Variants in RASSF5 observed in about 807,000 individuals in gnomAD.
RASSF5 encodes the protein Ras association domain family member 5, also known as ras association domain-containing protein 5.
RASSF5 carries 25 observed loss-of-function variants against 40.5 expected under a neutral mutation model. The ratio of observed to expected loss-of-function variants is 0.62; its 90% CI spans 0.45 to 0.86. The LOEUF (loss-of-function observed/expected upper bound fraction) is 0.86. RASSF5 is among the 40% of genes least tolerant of loss of function. RASSF5 has a pLI of 0.00. For synonymous variants in RASSF5, 246 were observed against 252.4 expected (o/e 0.97, Z 0.24); for missense variants, 521 against 572.8 (o/e 0.91, Z 0.92).
intron 1 of RASSF5, among the ~76,000 whole-genome samples, chr1:206,509,027 C>T (rs1337601524): frequency 6.6e-6 from 1 of 152,128 alleles, no homozygotes; most frequent in Non-Finnish European, 1.5e-5. Context: ...AGAGGATATC[C>T]ACAGCCATGT....
At chr1:206,574,972 G>A (rs553520718) in intron 2 of RASSF5, among the ~76,000 whole-genome samples, 64 of 148,550 alleles carry the variant, frequency 4.3e-4, no homozygotes, top group African/African-American at 1.4e-3. Flanking sequence ...CGATTCTTCC[G>A]CCTTAGCCTC....
intron 1 of RASSF5, among the ~76,000 whole-genome samples, chr1:206,514,028 T>C (rs543553945): frequency 7.9e-5 from 12 of 152,380 alleles, no homozygotes; most frequent in Non-Finnish European, 1.6e-4. Context: ...GAACTCTCCA[T>C]GGTGTGGTCT....
intron 2 of RASSF5, among the ~76,000 whole-genome samples, chr1:206,558,352 C>A (rs935118821): frequency 2.6e-5 from 4 of 151,386 alleles, no homozygotes; most frequent in African/African-American, 9.7e-5. Context: ...ACCCAGCAAG[C>A]CTGGGTGCCC....
At chr1:206,508,371 G>A (rs1402777694) in intron 1 of RASSF5, among the ~76,000 whole-genome samples, 1 of 150,328 alleles carries the variant, frequency 6.7e-6, no homozygotes, top group Non-Finnish European at 1.5e-5. Context: ...CACAGGTTGT[G>A]GGGGGTGGGT....
intron 1 of RASSF5, among the ~76,000 whole-genome samples, chr1:206,526,770 C>A (rs1418529348): frequency 6.6e-6 from 1 of 152,056 alleles, no homozygotes; most frequent in Non-Finnish European, 1.5e-5. Flanking sequence ...GTTCTTCTTA[C>A]CCTAATACGT....
intron 1 of RASSF5, 86 bp downstream of exon 1, chr1:206,508,145 G>T: frequency 9.5e-7 from 1 of 1,054,612 alleles, no homozygotes; most frequent in Non-Finnish European, 1.3e-6. Flanking sequence ...AGGGAGAGAG[G>T]GGCCATTACA....
chr1:206,581,396 G>A (rs1264904228), intron 2 of RASSF5, among the ~76,000 whole-genome samples: 7 of 152,218 alleles, frequency 4.6e-5, no homozygotes, highest in South Asian at 2.1e-4. Context: ...TCAGGAGTTC[G>A]ACATCAGCCT....
chr1:206,581,151 C>T (rs1328148552), intron 2 of RASSF5: 1 of 152,208 alleles, frequency 6.6e-6, no homozygotes, highest in African/African-American at 2.4e-5. Context: ...AACTCAGCCT[C>T]AGTTTTGTTA....
At chr1:206,536,414 G>A (rs571102800) in intron 1 of RASSF5, among the ~76,000 whole-genome samples, 3 of 152,278 alleles carry the variant, frequency 2.0e-5, no homozygotes, top group African/African-American at 2.4e-5. Context: ...TAGGAAGGTC[G>A]TGCGGTTCTG....
intron 1 of RASSF5, chr1:206,528,831 A>G (rs1471450888): frequency 7.4e-6 from 3 of 403,426 alleles, no homozygotes; most frequent in Non-Finnish European, 1.3e-5. Context: ...TGAGGCCAGG[A>G]GTTTGAGACC....
chr1:206,537,809 G>A (rs902379435), intron 1 of RASSF5, among the ~76,000 whole-genome samples: 1 of 152,170 alleles, frequency 6.6e-6, no homozygotes. Context: ...ATGGGTGCTG[G>A]TGATTAATGT....
intron 5 of RASSF5, chr1:206,586,471 C>A: frequency 4.6e-6 from 1 of 218,668 alleles, no homozygotes; most frequent in Non-Finnish European, 9.2e-6. Context: ...GTCCACGTTC[C>A]ACTCCTCCAC....
chr1:206,524,480 GT>G lies in RASSF5; in HGVS notation c.458-13681del, dbSNP rs1408581891. Among the ~76,000 whole-genome samples the G allele has an allele frequency of 8.1e-4, 102 of 125,582 alleles. 1 individual carries two copies. Among genetic ancestry groups the G allele is most frequent in the Admixed American group, 9.7e-4 (11 of 11,338 alleles). The allele number at this position is 125,582 out of a possible 152,430, so 82.4% of individuals were successfully genotyped here. On this transcript the variant is annotated intron_variant, in intron 1 of 5. Coordinates refer to ENST00000579436, the MANE Select transcript of RASSF5 (RefSeq NM_182663.4). ...TATTATATATATAAATATATATATGGTTTTTTTTTTTGAGACAGAGTCTTGC... is the reference window on the plus strand; with the variant it reads ...TATTATATATATAAATATATATATGGTTTTTTTTTTGAGACAGAGTCTTGC...
chr1:206,514,102 A>G (rs527243900), intron 1 of RASSF5, among the ~76,000 whole-genome samples: 2 of 152,218 alleles, frequency 1.3e-5, no homozygotes, highest in Non-Finnish European at 2.9e-5. Context: ...TTCCTAGAGT[A>G]CACAAAGGTT....
At chr1:206,571,559 C>A (rs1668450189) in intron 2 of RASSF5, 1 of 152,152 alleles carries the variant, frequency 6.6e-6, no homozygotes, top group Non-Finnish European at 1.5e-5. Context: ...TAATGAGGGA[C>A]ACAGGCTTGT....
chr1:206,540,661 C>G (rs1383340031), intron 2 of RASSF5, among the ~76,000 whole-genome samples: 1 of 152,238 alleles, frequency 6.6e-6, no homozygotes, highest in Non-Finnish European at 1.5e-5. Context: ...GCCCACTTGC[C>G]TCTTCTAAAA....
intron 1 of RASSF5, chr1:206,528,869 C>T (rs1235280148): frequency 2.1e-6 from 1 of 483,250 alleles, no homozygotes; most frequent in African/African-American, 2.0e-5. Context: ...GAAACCTCGT[C>T]TCTACAAAAA....
Position 206,507,637 on chromosome 1 carries a change from C to A in RASSF5, c.35C>A (p.Pro12Gln). ...GCGTCCCCGGCCATCGGGCAGCGCC[C>A]GTACCCGCTACTATTGGACCCCGAG... ...AMASPAIGQR[P>Q]YPLLLDPEPP... Residue 12 changes from proline (P) to glutamine (Q), a missense_variant, in exon 1 of 6, where the codon CCG becomes CAG. By Grantham distance (76) the Pro-to-Gln change is moderately conservative (BLOSUM62 -1). This residue lies in a region of RASSF5 where 237 missense variants were observed against 212.0 expected (regional missense o/e 1.12). Coordinates refer to ENST00000579436, the MANE Select transcript of RASSF5 (RefSeq NM_182663.4). The A allele has an allele frequency of 6.5e-7, 1 of 1,531,442 alleles. No individual in the cohort carries two copies. Among genetic ancestry groups the A allele is most frequent in the Non-Finnish European group, 8.7e-7 (1 of 1,145,864 alleles). 94.9% of individuals were successfully genotyped at this position (1,531,442 alleles called of 1,614,324 possible).
At chr1:206,541,483 C>T (rs1038412287) in intron 2 of RASSF5, among the ~76,000 whole-genome samples, 1 of 152,104 alleles carries the variant, frequency 6.6e-6, no homozygotes, top group Non-Finnish European at 1.5e-5. Flanking sequence ...AAAAGGTCAT[C>T]GGAAACAGGC....
Sources: allele counts gnomAD v4.1 joint callset (sites outside exome capture counted in the v4.1 genomes callset), GRCh38; gene constraint gnomAD v4.1.1; regional missense constraint gnomAD v4.1.1; transcripts MANE v1.5; gene names NCBI Gene and HGNC (gene_info 2026-07-23, HGNC 2026-07-21).